Variants in PHRF1 observed in about 807,000 individuals in gnomAD.
PHRF1 encodes PHD and RING finger domain-containing protein 1.
PHRF1 carries 53 observed loss-of-function variants against 128.9 expected under a neutral mutation model. The ratio of observed to expected loss-of-function variants is 0.41; its 90% CI spans 0.33 to 0.52. The LOEUF (loss-of-function observed/expected upper bound fraction) is 0.52. PHRF1 is among the 20% of genes least tolerant of loss of function. PHRF1 has a pLI of 0.21. For synonymous variants in PHRF1, 1,178 were observed against 980.6 expected, an observed-to-expected ratio of 1.20 and a Z score of -3.76; for missense variants, 2,503 against 2,284.5, an observed-to-expected ratio of 1.10 and a Z score of -1.95.
intron 10 of PHRF1, 82 bp from the exon 11 acceptor site, chr11:605,037 A>G: frequency 7.3e-7 from 1 of 1,371,372 alleles, no homozygotes. Flanking sequence ...TTGCTGATGA[A>G]GGCTTCACGT....
intron 12 of PHRF1, 140 bp from the exon 13 acceptor site, chr11:606,302 G>A (rs774903716): frequency 1.2e-5 from 14 of 1,147,912 alleles, no homozygotes; most frequent in African/African-American, 4.8e-5. Context: ...AACAGCAGCC[G>A]GAGCCAGGGC....
chr11:610,226 G>A lies in PHRF1; in HGVS notation c.4295G>A (p.Arg1432Gln), dbSNP rs745877968. 1.0e-5 allele frequency: 16 copies of A among 1,545,830 alleles called. No individual in the cohort carries two copies. The highest frequency in any genetic ancestry group is 2.4e-5 in the East Asian group (1 of 40,956). Residue 1432 changes from arginine to glutamine, a missense_variant, in exon 15 of 18, where the codon CGA (arginine) becomes CAA (glutamine). Transcript: ENST00000264555. ...RAPLHRPQKP[R>Q]EGAWDMEDVA... ...CCACTTCACAGGCCACAGAAGCCCC[G>A]AGAAGGAGCCTGGGACATGGAGGAT...
At position 610,942 on chromosome 11, in the gene PHRF1, T is replaced by C. The variant is rs1396864162; in HGVS notation, c.4678-12T>C. The C allele has an allele frequency of 5.0e-6, 8 of 1,612,262 alleles. No homozygotes were observed. The highest frequency in any genetic ancestry group is 1.3e-5 in the African/African-American group (1 of 75,010). Reference sequence around the variant, plus strand: ...TCCCTTCCTGGCCGCATCACACACATGTCCCCTCTAGTACATGAAGAAGCT... The same window carrying C: ...TCCCTTCCTGGCCGCATCACACACACGTCCCCTCTAGTACATGAAGAAGCT... On this transcript the variant is annotated splice_polypyrimidine_tract_variant and intron_variant, in intron 16 of 17. Transcript: ENST00000264555.
In PHRF1 at chr11:608,180, A is replaced by G. The variant is rs114986234; in HGVS notation, c.2724A>G (p.Ala908=). The G allele has an allele frequency of 1.8e-3, 2,873 of 1,610,246 alleles. 34 individuals are homozygous for G. In the African/African-American group the frequency reaches 0.033, roughly 18 times the overall value. ...PSSAMSKLRG[A]VAAEGASDTE... Reference sequence around the variant, plus strand: ...CCGCCATGTCCAAGCTCCGGGGTGCAGTGGCTGCCGAGGGGGCCTCTGACA... The same window carrying G: ...CCGCCATGTCCAAGCTCCGGGGTGCGGTGGCTGCCGAGGGGGCCTCTGACA... Residue 908 remains alanine (A), a synonymous_variant, in exon 14 of 18, where the codon GCA becomes GCG. Transcript: ENST00000264555.
Position 607,688 on chromosome 11 carries a change from C to T in PHRF1, c.2232C>T (p.His744=). The T allele has an allele frequency of 6.2e-7, 1 of 1,610,250 alleles. No individual in the cohort carries two copies. The highest frequency in any genetic ancestry group is 8.5e-7 in the Non-Finnish European group (1 of 1,178,334). ...GGGTGCCCCGGGAGCCCGGGGTGCA[C>T]ACGGGCAGCTCCCGGCCCCCAGCCC... The part of the protein sequence containing the change: ...SSRVPREPGV[H]TGSSRPPAPS... Residue 744 remains histidine, a synonymous_variant, in exon 14 of 18, where the codon CAC becomes CAT. Coordinates refer to ENST00000264555, the MANE Select transcript of PHRF1 (RefSeq NM_001286581.2).
In PHRF1 at chr11:597,439, G is replaced by A; in HGVS notation, c.763G>A (p.Asp255Asn). 3 of 1,613,020 alleles carry A rather than the reference G, an allele frequency of 1.9e-6. No homozygotes were observed. The highest frequency in any genetic ancestry group is 8.5e-7 in the Non-Finnish European group (1 of 1,179,650). ...GGAGGAGGTCTCCCTGCTCTTGGCT[G>A]ATGTGGTGCCCACCACCAGCAGGCT... ...SEEEVSLLLA[D>N]VVPTTSRLRP... The change falls in exon 8 of 18, where the codon GAT (aspartate) becomes AAT (asparagine). Residue 255 changes from aspartate (D) to asparagine (N), a missense_variant. By Grantham distance (23) the Asp-to-Asn change is conservative. Transcript: ENST00000264555. The surrounding 1 kb of genome is among the most constrained non-coding windows in gnomAD (Gnocchi z 6.5).
rs372391732 is a variant in PHRF1 at position 607,224 on chromosome 11, C to T, written c.1768C>T (p.Arg590Cys). Reference sequence around the variant, plus strand: ...AGGGCTCAGCTGTCAAGGCAGGTCCCGCACCCCCGCCCGCACCGCGGGGGC... The same window carrying T: ...AGGGCTCAGCTGTCAAGGCAGGTCCTGCACCCCCGCCCGCACCGCGGGGGC... Reference protein sequence around the residue: ...STGLSCQGRSRTPARTAGAPV... With the variant: ...STGLSCQGRSCTPARTAGAPV... Residue 590 changes from arginine (R) to cysteine (C), a missense_variant, in exon 14 of 18, where the codon CGC becomes TGC. Coordinates refer to ENST00000264555, the MANE Select transcript of PHRF1 (RefSeq NM_001286581.2). The T allele has an allele frequency of 1.9e-5, 30 of 1,612,182 alleles. No homozygotes were observed. In the East Asian group the frequency reaches 2.2e-4, roughly 12 times the overall value.
chr11:597,585 C>A lies in PHRF1; in HGVS notation c.894+15C>A. 1 of 1,605,726 alleles carries A rather than the reference C, an allele frequency of 6.2e-7. No homozygotes were observed. Among genetic ancestry groups the A allele is most frequent in the Non-Finnish European group, 8.5e-7 (1 of 1,176,900 alleles). ...GGAGGGTCCAGGTGGGTGGCCCAGCCCTGACGCCAGTCGTAGAACCCCAGC... is the reference window on the plus strand; with the variant it reads ...GGAGGGTCCAGGTGGGTGGCCCAGCACTGACGCCAGTCGTAGAACCCCAGC... On this transcript the variant is annotated intron_variant, in intron 8 of 17. Transcript: ENST00000264555. This position sits in a 1 kb window ranked among gnomAD's most constrained non-coding sequence, Gnocchi z 6.5.
rs748587519 is a variant in PHRF1 at position 610,205 on chromosome 11, T to C, written c.4274T>C (p.Leu1425Pro). 13 of 1,527,040 alleles carry C rather than the reference T, an allele frequency of 8.5e-6. No individual in the cohort carries two copies. Among genetic ancestry groups the C allele is most frequent in the Non-Finnish European group, 1.1e-5 (13 of 1,132,624 alleles). 94.6% of individuals were successfully genotyped at this position (1,527,040 alleles called of 1,614,324 possible). A position where few individuals can be genotyped will look rare whatever the true frequency, so the allele number is the denominator to read the frequency against. ...TCTGTCGGGCCCCCAGGGGCACCAC[T>C]TCACAGGCCACAGAAGCCCCGAGAA... ...PAEDRAPRAP[L>P]HRPQKPREGA... is the part of the protein sequence containing the mutation. Residue 1425 changes from leucine to proline, a missense_variant, in exon 15 of 18, where the codon CTT becomes CCT. Coordinates refer to ENST00000264555, the MANE Select transcript of PHRF1 (RefSeq NM_001286581.2).
chr11:581,704 C>T (rs1027514924), intron 2 of PHRF1, 98 bp downstream of exon 2: 2 of 1,212,642 alleles, frequency 1.6e-6, no homozygotes, highest in Non-Finnish European at 2.3e-6. Flanking sequence ...TGTCAACTTT[C>T]AGTCTAAAAA....
At chr11:592,050 G>A (rs1855001736) in intron 5 of PHRF1, among the ~76,000 whole-genome samples, 1 of 151,982 alleles carries the variant, frequency 6.6e-6, no homozygotes, top group African/African-American at 2.4e-5. Context: ...CGAGTAGCTG[G>A]GACTACAGGC....
chr11:598,484 C>G lies in PHRF1; in HGVS notation c.1006C>G (p.Arg336Gly), dbSNP rs1855434779. The G allele has an allele frequency of 2.5e-6, 4 of 1,609,352 alleles. No individual in the cohort carries two copies. Among genetic ancestry groups the G allele is most frequent in the Non-Finnish European group, 2.5e-6 (3 of 1,179,382 alleles). ...QRPLTPRTPARRKRKTRRRKK... is the reference protein window; with the variant it reads ...QRPLTPRTPAGRKRKTRRRKK... Reference sequence around the variant, plus strand: ...CCCCCTGACGCCGCGCACTCCCGCCCGACGGAAGAGGAAGACAAGTAAGCC... The same window carrying G: ...CCCCCTGACGCCGCGCACTCCCGCCGGACGGAAGAGGAAGACAAGTAAGCC... Residue 336 changes from arginine (R) to glycine (G), a missense_variant, in exon 9 of 18, where the codon CGA (arginine) becomes GGA (glycine). By Grantham distance (125) the Arg-to-Gly change is moderately radical. Transcript: ENST00000264555.
intron 5 of PHRF1, 127 bp downstream of exon 5, chr11:591,594 A>G (rs566779104): frequency 1.3e-6 from 1 of 799,436 alleles, no homozygotes; most frequent in Non-Finnish European, 1.9e-6. Context: ...CATAGAAATC[A>G]ACTCAAGTGC....
intron 9 of PHRF1, 106 bp from the exon 10 acceptor site, chr11:601,468 C>T: frequency 1.3e-6 from 2 of 1,494,846 alleles, no homozygotes; most frequent in Non-Finnish European, 1.8e-6. Context: ...TGCGTGTGGT[C>T]CCGCTGTACC....
chr11:609,869 A>G lies in PHRF1; in HGVS notation c.4264+149A>G. 5.0e-6 allele frequency: 3 copies of G among 598,968 alleles called. No homozygotes were observed. The South Asian group carries it at 8.2e-5, about 16-fold the overall frequency. The allele number at this position is 598,968 out of a possible 1,614,324, so 37.1% of individuals were successfully genotyped here. A position where few individuals can be genotyped will look rare whatever the true frequency, so the allele number is the denominator to read the frequency against. ...AGTAGGGCCCTGGCCTCCGCTGAGAACAGAGCCCCCTGTGAATCTGACTCC... is the reference window on the plus strand; with the variant it reads ...AGTAGGGCCCTGGCCTCCGCTGAGAGCAGAGCCCCCTGTGAATCTGACTCC... On this transcript the variant is annotated intron_variant, in intron 14 of 17. Coordinates refer to ENST00000264555, the MANE Select transcript of PHRF1 (RefSeq NM_001286581.2).
At position 605,654 on chromosome 11, in the gene PHRF1, C is replaced by T. The variant is rs774164080; in HGVS notation, c.1384C>T (p.Arg462Trp). The T allele has an allele frequency of 1.1e-5, 17 of 1,613,556 alleles. No homozygotes were observed. In the East Asian group the frequency reaches 1.1e-4, roughly 11 times the overall value. Reference sequence around the variant, plus strand: ...TCTTTCCCCTCTGAGTGCCAAGAGACGGGCTCTGTCCCGGTCAGCCCTGCA... The same window carrying T: ...TCTTTCCCCTCTGAGTGCCAAGAGATGGGCTCTGTCCCGGTCAGCCCTGCA... ...NPLSPLSAKR[R>W]ALSRSALQSH... Residue 462 changes from arginine (R) to tryptophan (W), a missense_variant, in exon 12 of 18, where the codon CGG becomes TGG. Coordinates refer to ENST00000264555, the MANE Select transcript of PHRF1 (RefSeq NM_001286581.2).
intron 3 of PHRF1, among the ~76,000 whole-genome samples, chr11:586,183 A>G (rs1854545911): frequency 6.6e-6 from 1 of 151,756 alleles, no homozygotes; most frequent in Non-Finnish European, 1.5e-5. Flanking sequence ...TTTAGTAGAG[A>G]CGGGGTTTCA....
At chr11:592,053 C>CT (rs1289601186) in intron 5 of PHRF1, among the ~76,000 whole-genome samples, 2 of 151,980 alleles carry the variant, frequency 1.3e-5, no homozygotes, top group African/African-American at 4.8e-5. Context: ...GTAGCTGGGA[C>CT]TACAGGCACC....
At position 585,593 on chromosome 11, in the gene PHRF1, GGT is replaced by G. The variant is rs1322804813; in HGVS notation, c.215-1665_215-1664del. ...GAGGTAGTAGCCCTTTCCAGCTTGA[GGT>G]AGTAGCCCTTTCCAGCTTGAGGTAG... On this transcript the variant is annotated intron_variant, in intron 3 of 17. Transcript: ENST00000264555. Among the ~76,000 whole-genome samples, 5 of 100,734 alleles carry G rather than the reference GGT, an allele frequency of 5.0e-5. 1 individual carries two copies. Among genetic ancestry groups the G allele is most frequent in the Non-Finnish European group, 8.4e-5 (4 of 47,468 alleles). 66.1% of individuals were successfully genotyped at this position (100,734 alleles called of 152,430 possible).
Sources: gnomAD v4.1 joint callset for allele counts (sites outside exome capture counted in the v4.1 genomes callset) on GRCh38, gnomAD v4.1.1 for gene constraint, Gnocchi (gnomAD v3.1) non-coding constraint, MANE v1.5 for transcripts, NCBI Gene and HGNC (gene_info 2026-07-23, HGNC 2026-07-21) for gene names.